Variants in KDM6B observed in about 807,000 individuals in gnomAD.
KDM6B encodes the protein lysine-specific demethylase 6B.
Under a neutral mutation model 150.4 loss-of-function variants are expected in KDM6B, and 22 were observed. The ratio of observed to expected loss-of-function variants is 0.15; its 90% confidence interval spans 0.10 to 0.21. KDM6B has a LOEUF of 0.21. KDM6B is among the 10% of genes least tolerant of loss of function. The pLI, the probability that KDM6B is intolerant of heterozygous loss-of-function variation, is 1.00. For missense variants in KDM6B, 1,984 were observed against 2,234.3 expected (o/e 0.89, Z 2.26); for synonymous variants, 1,148 against 921.1 (o/e 1.25, Z -4.46).
rs756865762 is a variant in KDM6B at position 7,851,639 on chromosome 17, G to A, written c.4017-9G>A. The A allele has an allele frequency of 1.3e-6, 2 of 1,594,402 alleles. No homozygotes were observed. The highest frequency in any genetic ancestry group is 2.2e-5 in the South Asian group (2 of 89,244). On this transcript the variant is annotated splice_polypyrimidine_tract_variant and intron_variant, in intron 17 of 23. Transcript: ENST00000448097. ...GGGTGTAGCCTCTCGTCGCACTTCC[G>A]CACCGCAGGTGGAAGCCCCAGCTGC...
intron 5 of KDM6B, 56 bp from the exon 6 acceptor site, chr17:7,845,816 A>T: frequency 6.3e-7 from 1 of 1,586,988 alleles, no homozygotes; most frequent in Non-Finnish European, 8.7e-7. Context: ...CCTCCTGCCT[A>T]GGTAGGACAA....
At chr17:7,841,908 C>G (rs1445275383) in intron 2 of KDM6B, among the ~76,000 whole-genome samples, 1 of 152,222 alleles carries the variant, frequency 6.6e-6, no homozygotes, top group Non-Finnish European at 1.5e-5. Flanking sequence ...CCCCCTCCCC[C>G]AGGTAAGAAG....
At position 7,853,512 on chromosome 17, in the gene KDM6B, G is replaced by T. The variant is rs751271300; in HGVS notation, c.4923G>T (p.Thr1641=). The change falls in exon 24 of 24, where the codon ACG becomes ACT. Residue 1641 remains threonine (T), a synonymous_variant. Transcript: ENST00000448097. ...TCTCCCCCCAGGCCCCAGCCAGCACGTCGCGATGAGGCCGGACGCCCCGCC... is the reference window on the plus strand; with the variant it reads ...TCTCCCCCCAGGCCCCAGCCAGCACTTCGCGATGAGGCCGGACGCCCCGCC... ...YDAFTLAPAS[T]SR is the part of the protein sequence containing the mutation. 3 of 1,504,662 alleles carry T rather than the reference G, an allele frequency of 2.0e-6. No individual in the cohort carries two copies. Among genetic ancestry groups the T allele is most frequent in the Non-Finnish European group, 2.6e-6 (3 of 1,133,828 alleles). The allele number at this position is 1,504,662 out of a possible 1,614,324, so 93.2% of individuals were successfully genotyped here.
At chr17:7,836,653 G>A (rs2078337665) in intron 1 of KDM6B, among the ~76,000 whole-genome samples, 1 of 152,282 alleles carries the variant, frequency 6.6e-6, no homozygotes. Context: ...GGCTGCAGGC[G>A]GAGAGGAGGA....
In KDM6B at chr17:7,848,159, G is replaced by T; in HGVS notation, c.1871G>T (p.Arg624Leu). ...CAAAATACCTCAGGAAGCTTCAGGC[G>T]CCCGGAGAGCCCCCGGCCCAGGGTC... ...CHQNTSGSFRRPESPRPRVSF... is the reference protein window; with the variant it reads ...CHQNTSGSFRLPESPRPRVSF... The change falls in exon 12 of 24, where the codon CGC becomes CTC. Residue 624 changes from arginine to leucine, a missense_variant. By Grantham distance (102) the Arg-to-Leu change is moderately radical. This residue lies in a region of KDM6B where 1,379 missense variants were observed against 1,275.6 expected (regional missense o/e 1.08). Coordinates refer to ENST00000448097, the MANE Select transcript of KDM6B (RefSeq NM_001348716.2). 1.2e-6 allele frequency: 2 copies of T among 1,612,450 alleles called. No individual in the cohort carries two copies. The highest frequency in any genetic ancestry group is 1.7e-6 in the Non-Finnish European group (2 of 1,179,874).
At chr17:7,847,521 C>T (rs751292782) in intron 11 of KDM6B, 25 bp from the exon 12 acceptor site, 4 of 1,613,170 alleles carry the variant, frequency 2.5e-6, no homozygotes, top group East Asian at 4.5e-5. Context: ...AGCAATGCTC[C>T]TACCACCTGC....
At position 7,846,847 on chromosome 17, in the gene KDM6B, C is replaced by T. The variant is rs199646552; in HGVS notation, c.740C>T (p.Pro247Leu). Residue 247 changes from proline (P) to leucine (L), a missense_variant, in exon 10 of 24, where the codon CCT becomes CTT. By Grantham distance (98) the Pro-to-Leu change is moderately conservative. Coordinates refer to ENST00000448097, the MANE Select transcript of KDM6B (RefSeq NM_001348716.2). ...GGCCTTCCCCCAGGGCTGCCACTGC[C>T]TCCACCACCATTACCACCACCACCA... is the stretch of plus-strand genomic sequence containing the variant. ...QTGLPPGLPL[P>L]PPPLPPPPPP... 1.6e-4 allele frequency: 252 copies of T among 1,603,548 alleles called. No individual in the cohort carries two copies. Among genetic ancestry groups the T allele is most frequent in the Non-Finnish European group, 2.1e-4 (244 of 1,178,156 alleles).
chr17:7,845,405 G>A lies in KDM6B; in HGVS notation c.-57G>A, dbSNP rs2151375194. 1 of 958,788 alleles carries A rather than the reference G, an allele frequency of 1.0e-6. No individual in the cohort carries two copies. Among genetic ancestry groups the A allele is most frequent in the East Asian group, 2.4e-5 (1 of 40,952 alleles). The allele number at this position is 958,788 out of a possible 1,614,324, so 59.4% of individuals were successfully genotyped here. A position where few individuals can be genotyped will look rare whatever the true frequency, so the allele number is the denominator to read the frequency against. On this transcript the variant is annotated 5_prime_UTR_variant, in exon 4 of 24. Coordinates refer to ENST00000448097, the MANE Select transcript of KDM6B (RefSeq NM_001348716.2). ...GCCGGACCATCGTCCCAGAGAGCTG[G>A]GGCAGGGGGCCGTGCCCAATCTCCA...
At chr17:7,846,024 A>G in intron 6 of KDM6B, 54 bp downstream of exon 6, 1 of 1,595,812 alleles carries the variant, frequency 6.3e-7, no homozygotes, top group Non-Finnish European at 8.6e-7. Flanking sequence ...GGGCCTTGAA[A>G]GAGTCCCCTC....
At position 7,846,066 on chromosome 17, in the gene KDM6B, T is replaced by G; in HGVS notation, c.237-12T>G. 1 of 850,222 alleles carries G rather than the reference T, an allele frequency of 1.2e-6. No individual in the cohort carries two copies. Among genetic ancestry groups the G allele is most frequent in the Non-Finnish European group, 1.8e-6 (1 of 559,334 alleles). 52.7% of individuals were successfully genotyped at this position (850,222 alleles called of 1,614,324 possible). ...AACCCCCACCCACACCCCCACCCCT[T>G]CTGCTCTGTAGGGCGCCCACTCCAA... On this transcript the variant is annotated splice_polypyrimidine_tract_variant and intron_variant, in intron 6 of 23. Transcript: ENST00000448097.
chr17:7,850,032 G>T, intron 13 of KDM6B, 40 bp from the exon 14 acceptor site: 1 of 1,613,362 alleles, frequency 6.2e-7, no homozygotes, highest in Non-Finnish European at 8.5e-7. Context: ...TCTGAGCCTG[G>T]GCCAGGGCTC....
chr17:7,842,607 TG>T (rs2078440535), intron 2 of KDM6B, among the ~76,000 whole-genome samples: 1 of 151,908 alleles, frequency 6.6e-6, no homozygotes, highest in African/African-American at 2.4e-5. Flanking sequence ...TGGCGGCGAC[TG>T]GGGAACAGGT....
In KDM6B at chr17:7,849,197, G is replaced by T; in HGVS notation, c.2909G>T (p.Gly970Val). ...GCTGGCGGGGTGGCGGCAGTGTCAGGCAGCTGTAAGCGGCGACAGAAGGAG... is the reference window on the plus strand; with the variant it reads ...GCTGGCGGGGTGGCGGCAGTGTCAGTCAGCTGTAAGCGGCGACAGAAGGAG... ...EEAGGVAAVS[G>V]SCKRRQKEHQ... is the part of the protein sequence containing the mutation. Residue 970 changes from glycine (G) to valine (V), a missense_variant, in exon 12 of 24, where the codon GGC (glycine) becomes GTC (valine). By Grantham distance (109) the Gly-to-Val change is moderately radical (BLOSUM62 -3). This residue lies in a region of KDM6B where 1,379 missense variants were observed against 1,275.6 expected (regional missense o/e 1.08). Transcript: ENST00000448097. The T allele has an allele frequency of 6.2e-7, 1 of 1,602,770 alleles. No individual in the cohort carries two copies. The highest frequency in any genetic ancestry group is 8.5e-7 in the Non-Finnish European group (1 of 1,174,710).
rs2078556358 is a variant in KDM6B at position 7,846,886 on chromosome 17, C to CACCACCCCT, written c.785_786insCCTACCACC (p.Pro262_Pro263insLeuProPro). 8.8e-6 allele frequency: 14 copies of CACCACCCCT among 1,599,416 alleles called. No individual in the cohort carries two copies. The East Asian group carries it at 3.2e-4, about 36-fold the overall frequency. ...CCACCACCACCACCACCACCACCAC[C>CACCACCCCT]ACCACCACCACCCCTGCCTGGCCTG... On this transcript the variant is annotated inframe_insertion, in exon 10 of 24. Coordinates refer to ENST00000448097, the MANE Select transcript of KDM6B (RefSeq NM_001348716.2).
chr17:7,838,825 C>A (rs1316954947), intron 1 of KDM6B, among the ~76,000 whole-genome samples: 2 of 152,052 alleles, frequency 1.3e-5, no homozygotes, highest in African/African-American at 2.4e-5. Flanking sequence ...AAGGGCCTTG[C>A]CTGCCTGACC....
intron 2 of KDM6B, among the ~76,000 whole-genome samples, chr17:7,842,591 G>A (rs911355375): frequency 2.0e-5 from 3 of 152,180 alleles, no homozygotes; most frequent in Admixed American, 1.3e-4. Flanking sequence ...AGAGTGGAGC[G>A]CGAGCTGGCG....
At position 7,847,948 on chromosome 17, in the gene KDM6B, A is replaced by G. The variant is rs144514630; in HGVS notation, c.1660A>G (p.Ser554Gly). ...TCCCCCAACCCCAACCACCAGCAGT[A>G]GCAACAGCAACAGTGGCAGCCACAG... is the stretch of plus-strand genomic sequence containing the variant. ...PTPPTPTTSSSNSNSGSHSSS... is the reference protein window; with the variant it reads ...PTPPTPTTSSGNSNSGSHSSS... The change falls in exon 12 of 24, where the codon AGC becomes GGC. Residue 554 changes from serine (S) to glycine (G), a missense_variant. This residue lies in a region of KDM6B where 1,379 missense variants were observed against 1,275.6 expected (regional missense o/e 1.08). Transcript: ENST00000448097. 643 of 1,609,160 alleles carry G rather than the reference A, an allele frequency of 4.0e-4. 7 individuals carry two copies. The East Asian group carries it at 0.012, about 30-fold the overall frequency.
Position 7,852,144 on chromosome 17 carries a change from C to T in KDM6B, c.4281-5C>T, listed in dbSNP as rs781397120. On this transcript the variant is annotated splice_region_variant and splice_polypyrimidine_tract_variant and intron_variant, in intron 19 of 23. Transcript: ENST00000448097. ...GTTCCCACCTGACCTGTGGCCACCCCGCAGGCACGGCGTGGACTACTTGAC... is the reference window on the plus strand; with the variant it reads ...GTTCCCACCTGACCTGTGGCCACCCTGCAGGCACGGCGTGGACTACTTGAC... 1.9e-6 allele frequency: 3 copies of T among 1,613,908 alleles called. No homozygotes were observed. Among genetic ancestry groups the T allele is most frequent in the African/African-American group, 1.3e-5 (1 of 74,930 alleles).
chr17:7,850,698 AAG>A (rs1491268010), intron 14 of KDM6B, among the ~76,000 whole-genome samples: 5 of 150,676 alleles, frequency 3.3e-5, no homozygotes, highest in South Asian at 2.1e-4. Flanking sequence ...ATGGGGAAAA[AAG>A]AAGCTGCCAT....
Sources: gnomAD v4.1 joint callset for allele counts (sites outside exome capture counted in the v4.1 genomes callset) on GRCh38, gnomAD v4.1.1 for gene constraint, gnomAD v4.1.1 regional missense constraint, MANE v1.5 for transcripts, NCBI Gene and HGNC (gene_info 2026-07-23, HGNC 2026-07-21) for gene names.